Variants in PDXP observed in about 807,000 individuals in gnomAD.
The protein encoded by PDXP is pyridoxal phosphatase.
PDXP carries 15 observed loss-of-function variants against 14.4 expected under a neutral mutation model. That is an observed-to-expected ratio of 1.04 (90% CI 0.70 to 1.60). PDXP has a LOEUF of 1.60. Ranked by LOEUF, PDXP falls within the 40% of genes most tolerant of loss-of-function variation. The probability of loss-of-function intolerance (pLI) is 0.00; values close to 1 mark genes in which losing one functional copy is unlikely to be tolerated. For synonymous variants in PDXP, 233 were observed against 205.6 expected, an observed-to-expected ratio of 1.13 and a Z score of -1.14; for missense variants, 413 against 427.6, an observed-to-expected ratio of 0.97 and a Z score of 0.30.
intron 1 of PDXP, among the ~76,000 whole-genome samples, 157 bp from the exon 2 acceptor site, chr22:37,665,398 A>G (rs576726820): frequency 5.9e-4 from 90 of 151,966 alleles, no homozygotes; most frequent in African/African-American, 2.1e-3. Context: ...TGCCGTCTCT[A>G]CCCTTAACCA....
chr22:37,666,254 GCC>G lies in PDXP; in HGVS notation c.*385_*386del. On this transcript the variant is annotated 3_prime_UTR_variant, in exon 2 of 2. Transcript: ENST00000215904. ...AGCTCTCTCTGCCCCTCAGGTCCTG[GCC>G]CTTGGGTCCTTGTCAACCAGAGGTC... 3.4e-6 allele frequency: 1 copy of G among 291,870 alleles called. No homozygotes were observed. Among genetic ancestry groups the G allele is most frequent in the East Asian group, 8.5e-5 (1 of 11,754 alleles). The allele number at this position is 291,870 out of a possible 1,614,324, so 18.1% of individuals were successfully genotyped here.
chr22:37,666,867 C>T lies in PDXP; in HGVS notation c.*996C>T, dbSNP rs1195804007. ...TGATGGTGGGTGGGGGCTGGGCCTT[C>T]CCCGCCACCTCCACCCCTGTTGTGA... On this transcript the variant is annotated 3_prime_UTR_variant, in exon 2 of 2. Transcript: ENST00000215904. 6.0e-6 allele frequency: 1 copy of T among 167,100 alleles called. No individual in the cohort carries two copies. The highest frequency in any genetic ancestry group is 1.9e-4 in the East Asian group (1 of 5,200). 10.4% of individuals were successfully genotyped at this position (167,100 alleles called of 1,614,324 possible).
chr22:37,658,912 C>A lies in PDXP; in HGVS notation c.130C>A (p.Leu44Met). The change falls in exon 1 of 2, where the codon CTG becomes ATG. Residue 44 changes from leucine (L) to methionine (M), a missense_variant. Transcript: ENST00000215904. ...CGCCGTGCCGGGCGCCCCGGAGCTG[C>A]TGGAGCGGCTGGCGCGGGCCGGCAA... Reference protein sequence around the residue: ...ERAVPGAPELLERLARAGKAA... With the variant: ...ERAVPGAPELMERLARAGKAA... The A allele has an allele frequency of 8.2e-7, 1 of 1,224,498 alleles. No individual in the cohort carries two copies. The highest frequency in any genetic ancestry group is 3.1e-5 in the South Asian group (1 of 32,378). 75.9% of individuals were successfully genotyped at this position (1,224,498 alleles called of 1,614,324 possible). A position where few individuals can be genotyped will look rare whatever the true frequency, so the allele number is the denominator to read the frequency against.
chr22:37,665,097 T>G, intron 1 of PDXP: 1 of 191,748 alleles, frequency 5.2e-6, no homozygotes, highest in Non-Finnish European at 1.1e-5. Flanking sequence ...CCAGCGCCCG[T>G]TTGGAGGTAG....
In PDXP at chr22:37,666,104, C is replaced by G. The variant is rs1041555737; in HGVS notation, c.*233C>G. The G allele has an allele frequency of 1.7e-5, 10 of 593,040 alleles. No individual in the cohort carries two copies. In the Admixed American group the frequency reaches 2.8e-4, roughly 17 times the overall value. The allele number at this position is 593,040 out of a possible 1,614,324, so 36.7% of individuals were successfully genotyped here. ...CCCCTATGGATTCATCTTGGCCTGA[C>G]CCAGCCAGGTGGCCTTATTTCTTCC... On this transcript the variant is annotated 3_prime_UTR_variant, in exon 2 of 2. Transcript: ENST00000215904.
rs1460486445 is a variant in PDXP, at chr22:37,665,991, G to C, written c.*120G>C. The C allele has an allele frequency of 5.6e-6, 6 of 1,077,086 alleles. No homozygotes were observed. The highest frequency in any genetic ancestry group is 4.0e-6 in the Non-Finnish European group (3 of 748,700). 66.7% of individuals were successfully genotyped at this position (1,077,086 alleles called of 1,614,324 possible). ...CTCCTTGGTCCAGTTCTGCACCGGGGTGGGGCTGGGACCCGGGGAAGGTTT... is the reference window on the plus strand; with the variant it reads ...CTCCTTGGTCCAGTTCTGCACCGGGCTGGGGCTGGGACCCGGGGAAGGTTT... On this transcript the variant is annotated 3_prime_UTR_variant, in exon 2 of 2. Coordinates refer to ENST00000215904, the MANE Select transcript of PDXP (RefSeq NM_020315.5).
intron 1 of PDXP, among the ~76,000 whole-genome samples, chr22:37,661,005 G>A (rs959953337): frequency 6.6e-6 from 1 of 152,158 alleles, no homozygotes; most frequent in Non-Finnish European, 1.5e-5. Flanking sequence ...TCTGGTCAGG[G>A]CTGTCAGCGG....
At chr22:37,660,406 C>T (rs1933180056) in intron 1 of PDXP, among the ~76,000 whole-genome samples, 1 of 152,202 alleles carries the variant, frequency 6.6e-6, no homozygotes, top group Admixed American at 6.5e-5. Context: ...GGGCAGAATT[C>T]TGCCAGCAAC....
chr22:37,663,517 C>T (rs536781627), intron 1 of PDXP, among the ~76,000 whole-genome samples: 2 of 151,846 alleles, frequency 1.3e-5, no homozygotes, highest in East Asian at 2.0e-4. Context: ...ATCCTGTGTC[C>T]ACTTCTCTTC....
intron 1 of PDXP, among the ~76,000 whole-genome samples, chr22:37,664,272 A>ATT (rs1248005919): frequency 6.7e-6 from 1 of 149,782 alleles, no homozygotes; most frequent in African/African-American, 2.5e-5. Flanking sequence ...ATATATGTAT[A>ATT]TTTAAGTAGA....
intron 1 of PDXP, among the ~76,000 whole-genome samples, chr22:37,663,165 A>G (rs1601596520): frequency 7.2e-6 from 1 of 138,940 alleles, no homozygotes; most frequent in East Asian, 2.4e-4. Context: ...TTAGCCGGGC[A>G]TGGTGGCGGG....
chr22:37,662,364 C>A, intron 1 of PDXP, among the ~76,000 whole-genome samples: 1 of 152,230 alleles, frequency 6.6e-6, no homozygotes, highest in Non-Finnish European at 1.5e-5. Flanking sequence ...GGAGTGTTGT[C>A]AGCCTTGGGA....
At chr22:37,659,734 C>T (rs1160276660) in intron 1 of PDXP, among the ~76,000 whole-genome samples, 1 of 152,112 alleles carries the variant, frequency 6.6e-6, no homozygotes, top group East Asian at 1.9e-4. Flanking sequence ...GGAGCAAAGG[C>T]GGTGGAGTTT....
chr22:37,662,285 A>C (rs1289715662), intron 1 of PDXP, among the ~76,000 whole-genome samples: 1 of 151,906 alleles, frequency 6.6e-6, no homozygotes, highest in Non-Finnish European at 1.5e-5. Context: ...AGGGCTGAGG[A>C]TTCTTGCTCT....
At chr22:37,661,936 T>C (rs1933215405) in intron 1 of PDXP, among the ~76,000 whole-genome samples, 1 of 25,872 alleles carries the variant, frequency 3.9e-5, no homozygotes, top group Admixed American at 6.5e-4. Context: ...TTTTTTTTTT[T>C]TTTTTTTTTT....
intron 1 of PDXP, among the ~76,000 whole-genome samples, chr22:37,663,083 G>A (rs186984803): frequency 2.8e-4 from 43 of 151,912 alleles, no homozygotes; most frequent in Admixed American, 1.9e-3. Flanking sequence ...GGTGGATCAC[G>A]AGGTCAGGAG....
chr22:37,664,027 C>T (rs943373692), intron 1 of PDXP, among the ~76,000 whole-genome samples: 7 of 148,228 alleles, frequency 4.7e-5, no homozygotes, highest in African/African-American at 1.7e-4. Flanking sequence ...GCCTCCCGGG[C>T]TTAAGTGATT....
At chr22:37,661,512 A>G (rs573543536) in intron 1 of PDXP, among the ~76,000 whole-genome samples, 139 of 152,322 alleles carry the variant, frequency 9.1e-4, no homozygotes, top group African/African-American at 3.2e-3. Context: ...ACTTGAGCTG[A>G]CAAATAGAAA....
chr22:37,666,848 T>C lies in PDXP; in HGVS notation c.*977T>C, dbSNP rs1921100653. 1 of 167,106 alleles carries C rather than the reference T, an allele frequency of 6.0e-6. No homozygotes were observed. Among genetic ancestry groups the C allele is most frequent in the African/African-American group, 2.4e-5 (1 of 41,446 alleles). 10.4% of individuals were successfully genotyped at this position (167,106 alleles called of 1,614,324 possible). A position where few individuals can be genotyped will look rare whatever the true frequency, so the allele number is the denominator to read the frequency against. On this transcript the variant is annotated 3_prime_UTR_variant, in exon 2 of 2. Transcript: ENST00000215904. ...TTTATTTATTGTGTGCCAGTGATGG[T>C]GGGTGGGGGCTGGGCCTTCCCCGCC... is the stretch of plus-strand genomic sequence containing the variant.
Sources: gnomAD v4.1 joint callset for allele counts (sites outside exome capture counted in the v4.1 genomes callset) on GRCh38, gnomAD v4.1.1 for gene constraint, MANE v1.5 for transcripts, NCBI Gene and HGNC (gene_info 2026-07-23, HGNC 2026-07-21) for gene names.